Variants in SLC24A3 observed in about 807,000 individuals in gnomAD.
The protein encoded by SLC24A3 is sodium/potassium/calcium exchanger 3.
Under a neutral mutation model 75.8 loss-of-function variants are expected in SLC24A3, and 28 were observed. That is an observed-to-expected ratio of 0.37 (90% CI 0.27 to 0.51). The LOEUF is 0.51. SLC24A3 is among the 20% of genes least tolerant of loss of function. The pLI is 0.94. For synonymous variants in SLC24A3, 372 were observed against 334.1 expected, an observed-to-expected ratio of 1.11 and a Z score of -1.24; for missense variants, 663 against 847.8, an observed-to-expected ratio of 0.78 and a Z score of 2.71.
intron 2 of SLC24A3, among the ~76,000 whole-genome samples, chr20:19,498,383 G>T (rs567394528): frequency 2.6e-5 from 4 of 152,126 alleles, no homozygotes; most frequent in Admixed American, 6.5e-5. Context: ...AAAGGTTGGG[G>T]ACTGCAGCAT....
intron 2 of SLC24A3, among the ~76,000 whole-genome samples, chr20:19,325,732 ATGTGTGTGTG>A (rs552339138): frequency 1.3e-5 from 1 of 75,906 alleles, no homozygotes; most frequent in African/African-American, 5.1e-5. Context: ...ATATATATAT[ATGTGTGTGTG>A]TGTGTGTGTG....
chr20:19,605,140 C>T (rs555072416), intron 6 of SLC24A3, among the ~76,000 whole-genome samples: 1 of 152,206 alleles, frequency 6.6e-6, no homozygotes, highest in Admixed American at 6.5e-5. Flanking sequence ...TGGAATGGTC[C>T]TAGATTTGGG....
At chr20:19,713,495 C>T (rs6112530) in intron 15 of SLC24A3, among the ~76,000 whole-genome samples, 1 of 152,196 alleles carries the variant, frequency 6.6e-6, no homozygotes, top group East Asian at 1.9e-4. Flanking sequence ...CACTGGCCTC[C>T]TTATAATGCA....
chr20:19,717,473 A>G, intron 15 of SLC24A3, 55 bp from the exon 16 acceptor site: 1 of 1,590,924 alleles, frequency 6.3e-7, no homozygotes, highest in Non-Finnish European at 8.6e-7. Context: ...CCAAAGCCTA[A>G]CTCTGCTTTG....
At chr20:19,330,015 A>G (rs1355431818) in intron 2 of SLC24A3, among the ~76,000 whole-genome samples, 4 of 152,190 alleles carry the variant, frequency 2.6e-5, no homozygotes, top group Admixed American at 6.5e-5. Context: ...TCTACACATG[A>G]TTTTAACTCA....
chr20:19,647,189 G>A (rs1299762795), intron 6 of SLC24A3, among the ~76,000 whole-genome samples: 3 of 152,098 alleles, frequency 2.0e-5, no homozygotes, highest in African/African-American at 7.2e-5. Flanking sequence ...GTCCCCCAGA[G>A]ATCCCCACTA....
intron 3 of SLC24A3, among the ~76,000 whole-genome samples, chr20:19,575,662 A>C (rs2031124627): frequency 6.6e-6 from 1 of 152,260 alleles, no homozygotes; most frequent in Non-Finnish European, 1.5e-5. Context: ...GCTGTAGCCA[A>C]GCCATGGGCT....
chr20:19,338,103 T>C lies in SLC24A3; in HGVS notation c.271+57016T>C, dbSNP rs568768010. Among the ~76,000 whole-genome samples the C allele has an allele frequency of 2.0e-5, 3 of 152,300 alleles. No individual in the cohort carries two copies. The East Asian group carries it at 5.8e-4, about 29-fold the overall frequency. Reference sequence around the variant, plus strand: ...AAAAATGTTGTAATTATCTATCACATTGGCCCCTTCACCAAGATGGTAAAA... The same window carrying C: ...AAAAATGTTGTAATTATCTATCACACTGGCCCCTTCACCAAGATGGTAAAA... On this transcript the variant is annotated intron_variant, in intron 2 of 16. Coordinates refer to ENST00000328041, the MANE Select transcript of SLC24A3 (RefSeq NM_020689.4).
At chr20:19,241,418 G>A (rs914214415) in intron 1 of SLC24A3, among the ~76,000 whole-genome samples, 3 of 152,182 alleles carry the variant, frequency 2.0e-5, no homozygotes, top group South Asian at 2.1e-4. Flanking sequence ...CTCTCAGGCC[G>A]GGGATGCTTT....
chr20:19,592,074 T>C (rs552814457), intron 6 of SLC24A3, among the ~76,000 whole-genome samples: 7 of 152,364 alleles, frequency 4.6e-5, no homozygotes, highest in African/African-American at 1.7e-4. Flanking sequence ...ACCACCTACA[T>C]GTGGGATTCC....
chr20:19,673,484 C>T (rs2032491776), intron 8 of SLC24A3, 117 bp from the exon 9 acceptor site: 4 of 814,528 alleles, frequency 4.9e-6, no homozygotes, highest in South Asian at 4.5e-5. Flanking sequence ...TCACCTAGCA[C>T]CGTCTGCCTT....
At chr20:19,346,203 A>ATATGTATATATGG (rs1985411458) in intron 2 of SLC24A3, among the ~76,000 whole-genome samples, 1 of 101,058 alleles carries the variant, frequency 9.9e-6, no homozygotes, top group African/African-American at 5.5e-5. Flanking sequence ...TATATATGGT[A>ATATGTATATATGG]TATATATATG....
At chr20:19,489,449 G>A (rs1010232360) in intron 2 of SLC24A3, among the ~76,000 whole-genome samples, 5 of 152,174 alleles carry the variant, frequency 3.3e-5, no homozygotes, top group African/African-American at 1.2e-4. Context: ...TATATTTGAA[G>A]TAGGCTTTGT....
intron 2 of SLC24A3, among the ~76,000 whole-genome samples, chr20:19,331,372 A>ATAGG (rs936251609): frequency 3.9e-5 from 6 of 152,100 alleles, no homozygotes; most frequent in East Asian, 1.9e-4. Context: ...TGGTGGACAG[A>ATAGG]TAGGTAGGTA....
chr20:19,517,670 A>G (rs1388259716), intron 3 of SLC24A3, among the ~76,000 whole-genome samples: 2 of 152,230 alleles, frequency 1.3e-5, no homozygotes, highest in Non-Finnish European at 1.5e-5. Flanking sequence ...GACCAAGGCC[A>G]GTGCCCACCC....
At chr20:19,518,772 G>A (rs963001624) in intron 3 of SLC24A3, among the ~76,000 whole-genome samples, 27 of 152,266 alleles carry the variant, frequency 1.8e-4, no homozygotes, top group South Asian at 1.7e-3. Context: ...CTCAGGCTTC[G>A]CCCGAAGTGA....
At chr20:19,231,663 C>G (rs1229904734) in intron 1 of SLC24A3, among the ~76,000 whole-genome samples, 1 of 152,184 alleles carries the variant, frequency 6.6e-6, no homozygotes, top group Non-Finnish European at 1.5e-5. Flanking sequence ...CCCAGCAAGA[C>G]TTCTGTAGGA....
chr20:19,582,433 G>A (rs1248690458), intron 4 of SLC24A3, among the ~76,000 whole-genome samples: 1 of 152,240 alleles, frequency 6.6e-6, no homozygotes, highest in Non-Finnish European at 1.5e-5. Context: ...GGAGGTCAGG[G>A]CAGATTCTCG....
chr20:19,671,573 A>G (rs888596739), intron 8 of SLC24A3, among the ~76,000 whole-genome samples: 5 of 152,176 alleles, frequency 3.3e-5, no homozygotes, highest in Admixed American at 3.3e-4. Context: ...ATTGATTTCC[A>G]GATTCTGGGC....
Sources: gnomAD v4.1 joint callset for allele counts (sites outside exome capture counted in the v4.1 genomes callset) on GRCh38, gnomAD v4.1.1 for gene constraint, MANE v1.5 for transcripts, NCBI Gene and HGNC (gene_info 2026-07-23, HGNC 2026-07-21) for gene names.